The following KAZN variants were observed in gnomAD, a reference collection of about 807,000 sequenced individuals.
The protein encoded by KAZN is kazrin.
Under a neutral mutation model 87.4 loss-of-function variants are expected in KAZN, and 40 were observed. The ratio of observed to expected loss-of-function variants is 0.46; its 90% CI spans 0.36 to 0.60. The LOEUF (loss-of-function observed/expected upper bound fraction) is 0.60. Among genes scored for constraint, KAZN ranks in the 20% least tolerant of loss-of-function variants. KAZN has a pLI of 0.00. For synonymous variants in KAZN, 466 were observed against 458.3 expected (o/e 1.02, Z -0.22); for missense variants, 898 against 1,073.9 (o/e 0.84, Z 2.29).
intron 1 of KAZN, among the ~76,000 whole-genome samples, chr1:14,952,240 C>CTGTATGTGTGTGTGTG (rs373964583): frequency 6.9e-6 from 1 of 143,916 alleles, no homozygotes; most frequent in African/African-American, 2.7e-5. Context: ...TTCTTTCCCA[C>CTGTATGTGTGTGTGTG]TGTGTGTGTG....
intron 8 of KAZN, among the ~76,000 whole-genome samples, chr1:15,069,961 T>G (rs1371022360): frequency 1.3e-5 from 2 of 152,150 alleles, no homozygotes; most frequent in Non-Finnish European, 2.9e-5. Flanking sequence ...CAGGCCAGGG[T>G]CCATGCTATG....
intron 1 of KAZN, among the ~76,000 whole-genome samples, chr1:14,091,365 G>T (rs1643989576): frequency 6.6e-6 from 1 of 152,042 alleles, no homozygotes; most frequent in African/African-American, 2.4e-5. Flanking sequence ...TTCTCTTAAG[G>T]ATAGCTCTCC....
chr1:14,554,878 T>A (rs151211066), intron 2 of KAZN, among the ~76,000 whole-genome samples: 25 of 152,160 alleles, frequency 1.6e-4, no homozygotes, highest in African/African-American at 5.8e-4. Flanking sequence ...TCACAAACCA[T>A]CCCAGTGCTA....
At chr1:14,847,279 A>G (rs1648897168) in intron 1 of KAZN, among the ~76,000 whole-genome samples, 1 of 152,212 alleles carries the variant, frequency 6.6e-6, no homozygotes, top group Non-Finnish European at 1.5e-5. Context: ...GTCGTTATCA[A>G]TCAAAGTAGG....
At chr1:14,412,006 T>C (rs1008629700) in intron 2 of KAZN, among the ~76,000 whole-genome samples, 4 of 152,220 alleles carry the variant, frequency 2.6e-5, no homozygotes, top group African/African-American at 9.6e-5. Context: ...AAGGTTGTTT[T>C]TCTGTATTCG....
intron 2 of KAZN, among the ~76,000 whole-genome samples, chr1:14,328,741 C>T (rs1656624174): frequency 8.1e-6 from 1 of 123,548 alleles, no homozygotes. Context: ...AGAAGACATC[C>T]CTAACTGAAA....
chr1:14,742,033 A>G, intron 1 of KAZN, among the ~76,000 whole-genome samples: 1 of 152,214 alleles, frequency 6.6e-6, no homozygotes, highest in East Asian at 1.9e-4. Flanking sequence ...GCTATACAGA[A>G]AAATAGAACC....
intron 2 of KAZN, among the ~76,000 whole-genome samples, chr1:14,369,976 T>C (rs751062867): frequency 6.6e-6 from 1 of 152,212 alleles, no homozygotes; most frequent in African/African-American, 2.4e-5. Context: ...GTGTAAATCC[T>C]TGTACTGTGG....
At chr1:14,531,832 C>T (rs538559904) in intron 2 of KAZN, among the ~76,000 whole-genome samples, 3 of 152,198 alleles carry the variant, frequency 2.0e-5, no homozygotes, top group South Asian at 2.1e-4. Flanking sequence ...AATGTTTCCA[C>T]GTATATTTTT....
intron 2 of KAZN, among the ~76,000 whole-genome samples, chr1:14,435,484 G>A (rs1259225828): frequency 4.6e-5 from 7 of 152,146 alleles, no homozygotes; most frequent in Admixed American, 2.0e-4. Context: ...CATGACCCGC[G>A]CCACCTGGCC....
chr1:14,241,124 G>C (rs541514492), intron 2 of KAZN, among the ~76,000 whole-genome samples: 8 of 152,358 alleles, frequency 5.3e-5, no homozygotes, highest in African/African-American at 1.7e-4. Context: ...GACATTGGGT[G>C]AAACCACACC....
intron 1 of KAZN, among the ~76,000 whole-genome samples, chr1:14,024,422 A>C (rs1261682749): frequency 6.6e-6 from 1 of 152,238 alleles, no homozygotes; most frequent in East Asian, 1.9e-4. Context: ...GAAAACAGAA[A>C]AATAAAACAG....
At chr1:14,254,907 G>T (rs1650367139) in intron 2 of KAZN, among the ~76,000 whole-genome samples, 1 of 151,928 alleles carries the variant, frequency 6.6e-6, no homozygotes, top group Non-Finnish European at 1.5e-5. Context: ...TGGATCAGGA[G>T]GTCAGGAGTT....
intron 1 of KAZN, among the ~76,000 whole-genome samples, chr1:14,690,185 C>G (rs1215282842): frequency 2.0e-5 from 3 of 152,194 alleles, no homozygotes; most frequent in Non-Finnish European, 4.4e-5. Flanking sequence ...CAGTGCTCAT[C>G]ATGAATCATG....
chr1:14,561,984 G>A (rs1674285521), intron 2 of KAZN, among the ~76,000 whole-genome samples: 1 of 152,044 alleles, frequency 6.6e-6, no homozygotes, highest in Admixed American at 6.5e-5. Context: ...CAGAGAGAAG[G>A]CCTTTGAAAA....
chr1:14,027,140 T>C (rs1185002036), intron 1 of KAZN, among the ~76,000 whole-genome samples: 1 of 152,220 alleles, frequency 6.6e-6, no homozygotes, highest in Non-Finnish European at 1.5e-5. Flanking sequence ...ACTTTGCCTT[T>C]TCTTGGCTGC....
chr1:14,977,138 C>T lies in KAZN; in HGVS notation c.418+16263C>T, dbSNP rs962610325. 2.6e-5 allele frequency among the ~76,000 whole-genome samples: 4 copies of T among 152,204 alleles called. No individual in the cohort carries two copies. In the South Asian group the frequency reaches 8.3e-4, roughly 31 times the overall value. ...TGAAAAGGCCATGGAGTCCTCGGGGCGGTGATTCCCCTGGGAGGGGCTGTG... is the reference window on the plus strand; with the variant it reads ...TGAAAAGGCCATGGAGTCCTCGGGGTGGTGATTCCCCTGGGAGGGGCTGTG... On this transcript the variant is annotated intron_variant, in intron 2 of 14. Coordinates refer to ENST00000376030, the MANE Select transcript of KAZN (RefSeq NM_201628.3).
chr1:14,668,138 C>T (rs192347753), intron 1 of KAZN, among the ~76,000 whole-genome samples: 7 of 152,262 alleles, frequency 4.6e-5, no homozygotes, highest in African/African-American at 7.2e-5. Flanking sequence ...CCACTATTAA[C>T]GAGAAGGAAA....
At chr1:14,791,959 C>T (rs754903446) in intron 1 of KAZN, among the ~76,000 whole-genome samples, 2 of 152,222 alleles carry the variant, frequency 1.3e-5, no homozygotes, top group East Asian at 1.9e-4. Flanking sequence ...GGGGTGACCT[C>T]GGTCAATGCT....
Sources: gnomAD v4.1 joint callset for allele counts (sites outside exome capture counted in the v4.1 genomes callset) on GRCh38, gnomAD v4.1.1 for gene constraint, MANE v1.5 for transcripts, NCBI Gene and HGNC (gene_info 2026-07-23, HGNC 2026-07-21) for gene names.